SIRT2: variants seen among roughly 807,000 people sequenced by gnomAD.
The protein encoded by SIRT2 is NAD-dependent protein deacetylase sirtuin-2.
In SIRT2, 40 loss-of-function variants were observed where a neutral mutation model predicts 57.4. The observed-to-expected ratio is 0.70, with a 90% confidence interval of 0.54 to 0.91. The LOEUF (loss-of-function observed/expected upper bound fraction) is 0.91. Ranked by LOEUF, SIRT2 falls within the 40% of genes least tolerant of loss-of-function variation. The probability of loss-of-function intolerance (pLI) is 0.00; values close to 1 mark genes in which losing one functional copy is unlikely to be tolerated. For missense variants in SIRT2, 439 were observed against 510.4 expected (o/e 0.86, Z 1.35); for synonymous variants, 161 against 195.7 (o/e 0.82, Z 1.48).
chr19:38,883,555 G>A (rs1973224171), intron 9 of SIRT2, 72 bp downstream of exon 9: 3 of 1,558,800 alleles, frequency 1.9e-6, no homozygotes, highest in African/African-American at 1.4e-5. Context: ...GACAGAATGG[G>A]TGCCCACTGC....
Position 38,889,940 on chromosome 19 carries a change from C to T in SIRT2, c.290G>A (p.Arg97His), listed in dbSNP as rs374491281. Residue 97 changes from arginine to histidine, a missense_variant, in exon 6 of 16, where the codon CGC (arginine) becomes CAC (histidine). Arg to His is a conservative substitution (Grantham distance 29). Coordinates refer to ENST00000249396, the MANE Select transcript of SIRT2 (RefSeq NM_012237.4). ...GTCATAGAGGCCGGTGGATGGAGAG[C>T]GAAAGTCGGGGATGCCTGCGGCTAG... ...ISTSAGIPDF[R>H]SPSTGLYDNL... 15 of 1,613,876 alleles carry T rather than the reference C, an allele frequency of 9.3e-6. No individual in the cohort carries two copies. The highest frequency in any genetic ancestry group is 3.3e-4 in the Middle Eastern group (2 of 6,084).
intron 13 of SIRT2, 175 bp from the exon 14 acceptor site, chr19:38,879,877 G>A: frequency 1.7e-6 from 1 of 595,840 alleles, no homozygotes. Context: ...CCAGGCTGGA[G>A]TGCAATGATG....
In SIRT2 at chr19:38,883,680, G is replaced by A; in HGVS notation, c.578C>T (p.Ser193Leu). The change falls in exon 9 of 16, where the codon TCA (serine) becomes TTA (leucine). Residue 193 changes from serine (S) to leucine (L), a missense_variant. Physicochemically the swap from Ser to Leu is moderately radical, Grantham distance 145 (BLOSUM62 -2). Transcript: ENST00000249396. ...CCGGCAGCTGGCGCTGACGCAGTGT[G>A]ATGTGTAGAAGGTGCCGTGCGCCTC... ...LVEAHGTFYT[S>L]HCVSASCRHE... 6.2e-7 allele frequency: 1 copy of A among 1,614,170 alleles called. No individual in the cohort carries two copies. The highest frequency in any genetic ancestry group is 8.5e-7 in the Non-Finnish European group (1 of 1,180,010).
chr19:38,879,376 G>A, intron 15 of SIRT2, 58 bp downstream of exon 15: 1 of 1,600,506 alleles, frequency 6.2e-7, no homozygotes. Flanking sequence ...GACCCATGGG[G>A]TGGGGAGAGG....
At chr19:38,882,454 G>A (rs1009614772) in intron 9 of SIRT2, among the ~76,000 whole-genome samples, 6 of 152,158 alleles carry the variant, frequency 3.9e-5, no homozygotes, top group Admixed American at 6.5e-5. Context: ...GGCCAACGTG[G>A]TGAAACCCCG....
At chr19:38,893,753 A>G in intron 3 of SIRT2, 66 bp downstream of exon 3, 2 of 1,580,186 alleles carry the variant, frequency 1.3e-6, no homozygotes, top group African/African-American at 1.3e-5. Flanking sequence ...TATCACCCAC[A>G]CCCCTGCCCT....
chr19:38,885,969 T>C (rs1973324816), intron 8 of SIRT2, among the ~76,000 whole-genome samples: 1 of 152,144 alleles, frequency 6.6e-6, no homozygotes, highest in Non-Finnish European at 1.5e-5. Flanking sequence ...TTGTGCGCGC[T>C]CATTTTTCTT....
chr19:38,889,058 C>T, intron 8 of SIRT2, 29 bp downstream of exon 8: 1 of 1,605,080 alleles, frequency 6.2e-7, no homozygotes. Flanking sequence ...CCCGCCCATC[C>T]TCCTCCCAGG....
intron 4 of SIRT2, chr19:38,892,074 C>G (rs575761784): frequency 2.8e-6 from 1 of 359,648 alleles, no homozygotes; most frequent in African/African-American, 2.2e-5. Context: ...GTTTCTCAGA[C>G]TTTGGTGACC....
At chr19:38,898,339 T>C in intron 2 of SIRT2, 40 bp downstream of exon 2, 1 of 1,406,118 alleles carries the variant, frequency 7.1e-7, no homozygotes, top group Non-Finnish European at 9.4e-7. Flanking sequence ...GTGGAACAAG[T>C]CCGTCTCTCT....
rs1395587587 is a variant in SIRT2 at position 38,889,903 on chromosome 19, C to T, written c.327G>A (p.Lys109=). Residue 109 remains lysine, a synonymous_variant, in exon 6 of 16, where the codon AAG becomes AAA. Transcript: ENST00000249396. ...TGGCCTCTGGGTAGGGAAGATGGTA[C>T]TTCTCTAGGTTGTCATAGAGGCCGG... is the stretch of plus-strand genomic sequence containing the variant. ...PSTGLYDNLE[K]YHLPYPEAIF... is the part of the protein sequence containing the mutation. 6.2e-7 allele frequency: 1 copy of T among 1,614,168 alleles called. No individual in the cohort carries two copies. The highest frequency in any genetic ancestry group is 1.1e-5 in the South Asian group (1 of 91,086).
intron 8 of SIRT2, among the ~76,000 whole-genome samples, chr19:38,885,408 GTTTTC>G (rs1283970712): frequency 1.6e-3 from 238 of 150,434 alleles, no homozygotes; most frequent in African/African-American, 2.2e-3. Context: ...CCCAGCCACT[GTTTTC>G]TTTTCTTTTC....
chr19:38,885,077 A>T (rs1476139646), intron 8 of SIRT2, among the ~76,000 whole-genome samples: 2 of 151,620 alleles, frequency 1.3e-5, no homozygotes, highest in Non-Finnish European at 2.9e-5. Context: ...TAGATGGCAT[A>T]TTCACCTGTG....
chr19:38,881,208 G>A lies in SIRT2; in HGVS notation c.692-53C>T, dbSNP rs1555733969. The A allele has an allele frequency of 1.3e-5, 21 of 1,566,238 alleles. No individual in the cohort carries two copies. The South Asian group carries it at 1.9e-4, about 15-fold the overall frequency. Reference sequence around the variant, plus strand: ...AGACAGTGACATGGGGAGGCAGAGAGGACAGGTGGGAGCAATGGCAGACCC... The same window carrying A: ...AGACAGTGACATGGGGAGGCAGAGAAGACAGGTGGGAGCAATGGCAGACCC... On this transcript the variant is annotated intron_variant, in intron 10 of 15. Transcript: ENST00000249396.
intron 4 of SIRT2, among the ~76,000 whole-genome samples, chr19:38,892,232 C>T (rs891521103): frequency 4.6e-5 from 7 of 151,884 alleles, no homozygotes; most frequent in African/African-American, 7.3e-5. Context: ...CCTGTCTCTA[C>T]TAAAATACAA....
At chr19:38,895,555 C>T (rs1209482441) in intron 2 of SIRT2, among the ~76,000 whole-genome samples, 1 of 152,198 alleles carries the variant, frequency 6.6e-6, no homozygotes, top group Admixed American at 6.5e-5. Flanking sequence ...ACTCCCTTCC[C>T]CGGATACTCA....
At position 38,878,974 on chromosome 19, in the gene SIRT2, A is replaced by C; in HGVS notation, c.*181T>G. On this transcript the variant is annotated 3_prime_UTR_variant, in exon 16 of 16. Coordinates refer to ENST00000249396, the MANE Select transcript of SIRT2 (RefSeq NM_012237.4). ...TAAGCCTTGGCCTCTAGGAGGTGTT[A>C]GAGATTTGCTGGGGTTGGGGGCCAG... 3.6e-5 allele frequency: 21 copies of C among 581,046 alleles called. No homozygotes were observed. The highest frequency in any genetic ancestry group is 3.8e-5 in the Non-Finnish European group (13 of 343,062). 36.0% of individuals were successfully genotyped at this position (581,046 alleles called of 1,614,324 possible).
At chr19:38,885,331 C>T (rs911783588) in intron 8 of SIRT2, among the ~76,000 whole-genome samples, 10 of 152,204 alleles carry the variant, frequency 6.6e-5, no homozygotes, top group African/African-American at 2.4e-4. Flanking sequence ...TCTTGAACTC[C>T]TGGGCTCAAG....
rs1181132093 is a variant in SIRT2, at chr19:38,881,109, A to T, written c.738T>A (p.Cys246Ter). 1 of 1,613,396 alleles carries T rather than the reference A, an allele frequency of 6.2e-7. No individual in the cohort carries two copies. Among genetic ancestry groups the T allele is most frequent in the Admixed American group, 1.7e-5 (1 of 59,870 alleles). ...CTGGGGGGCCACTTACTGACTGCAT[A>T]CAGGAGAAGAAACGCGCTGGGAGGC... ...GESLPARFFS[C>*]MQSDFLKVDL... is the part of the protein sequence containing the mutation. The change falls in exon 11 of 16, where the codon TGT (cysteine) becomes TGA (stop). Residue 246 changes from cysteine to a stop codon, truncating the protein, a stop_gained. Coordinates refer to ENST00000249396, the MANE Select transcript of SIRT2 (RefSeq NM_012237.4). LOFTEE classifies it high-confidence loss of function.
Sources: allele counts gnomAD v4.1 joint callset (sites outside exome capture counted in the v4.1 genomes callset), GRCh38; gene constraint gnomAD v4.1.1; transcripts MANE v1.5; gene names NCBI Gene and HGNC (gene_info 2026-07-23, HGNC 2026-07-21).